Variants in ZNF490 observed in about 807,000 individuals in gnomAD.
ZNF490 encodes the protein zinc finger protein 490.
ZNF490 carries 11 observed loss-of-function variants against 17.7 expected under a neutral mutation model. The ratio of observed to expected loss-of-function variants is 0.62; its 90% confidence interval spans 0.39 to 1.03. The LOEUF is 1.03. Ranked by LOEUF, ZNF490 falls within the 50% of genes least tolerant of loss-of-function variation. The pLI is 0.00. For missense variants in ZNF490, 542 were observed against 643.4 expected, an observed-to-expected ratio of 0.84 and a Z score of 1.71; for synonymous variants, 222 against 216.1, an observed-to-expected ratio of 1.03 and a Z score of -0.24.
rs895064756 is a variant in ZNF490, at chr19:12,576,262, C to G, written c.*4223G>C. 6.6e-6 allele frequency among the ~76,000 whole-genome samples: 1 copy of G among 152,174 alleles called. No individual in the cohort carries two copies. Among genetic ancestry groups the G allele is most frequent in the East Asian group, 1.9e-4 (1 of 5,204 alleles). On this transcript the variant is annotated 3_prime_UTR_variant, in exon 5 of 5. Coordinates refer to ENST00000311437, the MANE Select transcript of ZNF490 (RefSeq NM_020714.3). ...GTGGCTCAAGCCTCTAATCCCAGCA[C>G]TTTGAGAGGCCGAGGCAGGCAGATC...
chr19:12,591,340 A>C (rs1181990767), intron 2 of ZNF490, among the ~76,000 whole-genome samples: 3 of 151,636 alleles, frequency 2.0e-5, no homozygotes, highest in African/African-American at 7.3e-5. Context: ...CAGTGAGCCG[A>C]GATTACGCCA....
chr19:12,593,300 T>C (rs1343623432), intron 2 of ZNF490, among the ~76,000 whole-genome samples: 3 of 151,774 alleles, frequency 2.0e-5, no homozygotes, highest in South Asian at 4.2e-4. Context: ...CAGGCTGAAA[T>C]GCAGAGGCGC....
In ZNF490 at chr19:12,581,348, T is replaced by C; in HGVS notation, c.727A>G (p.Ile243Val). 6.2e-7 allele frequency: 1 copy of C among 1,614,182 alleles called. No homozygotes were observed. The highest frequency in any genetic ancestry group is 8.5e-7 in the Non-Finnish European group (1 of 1,180,016). The change falls in exon 5 of 5, where the codon ATT becomes GTT. Residue 243 changes from isoleucine (I) to valine (V), a missense_variant. Physicochemically the swap from Ile to Val is conservative, Grantham distance 29. Coordinates refer to ENST00000311437, the MANE Select transcript of ZNF490 (RefSeq NM_020714.3). ...FLFSFRNHIR[I>V]HTGETPYECK... ...TCATAGGGTGTCTCTCCAGTATGAA[T>C]TCTTATATGGTTTCGAAAGGAAAAG... is the stretch of plus-strand genomic sequence containing the variant.
chr19:12,581,233 T>C lies in ZNF490; in HGVS notation c.842A>G (p.Lys281Arg). 6.2e-7 allele frequency: 1 copy of C among 1,614,120 alleles called. No homozygotes were observed. The highest frequency in any genetic ancestry group is 8.5e-7 in the Non-Finnish European group (1 of 1,179,992). Reference protein sequence around the residue: ...NHTGEKPYKCKQCGKAFIYYQ... With the variant: ...NHTGEKPYKCRQCGKAFIYYQ... ...ATATATAAAGGCTTTTCCACACTGT[T>C]TACATTTGTAGGGTTTCTCTCCAGT... Residue 281 changes from lysine (K) to arginine (R), a missense_variant, in exon 5 of 5, where the codon AAA becomes AGA. By Grantham distance (26) the Lys-to-Arg change is conservative. Coordinates refer to ENST00000311437, the MANE Select transcript of ZNF490 (RefSeq NM_020714.3).
At chr19:12,583,678 G>T in intron 2 of ZNF490, 122 bp from the exon 3 acceptor site, 1 of 971,750 alleles carries the variant, frequency 1.0e-6, no homozygotes, top group Non-Finnish European at 1.4e-6. Context: ...GTATAACTTG[G>T]TTGTCAGAAC....
chr19:12,582,428 C>T (rs1047516831), intron 4 of ZNF490, among the ~76,000 whole-genome samples: 49 of 151,916 alleles, frequency 3.2e-4, no homozygotes, highest in African/African-American at 1.2e-3. Context: ...CGGAGTCTCG[C>T]TCTGTCACCA....
chr19:12,591,390 GC>G (rs982843237), intron 2 of ZNF490, among the ~76,000 whole-genome samples: 1 of 147,840 alleles, frequency 6.8e-6, no homozygotes, highest in African/African-American at 2.5e-5. Flanking sequence ...CATCCCCGCC[GC>G]CCCCCCAAAA....
chr19:12,584,275 A>G lies in ZNF490; in HGVS notation c.163-719T>C, dbSNP rs1214995632. 7.3e-5 allele frequency among the ~76,000 whole-genome samples: 6 copies of G among 81,890 alleles called. 2 individuals are homozygous for G. The highest frequency in any genetic ancestry group is 1.6e-4 in the Non-Finnish European group (5 of 31,076). 53.7% of individuals were successfully genotyped at this position (81,890 alleles called of 152,430 possible). On this transcript the variant is annotated intron_variant, in intron 2 of 4. Coordinates refer to ENST00000311437, the MANE Select transcript of ZNF490 (RefSeq NM_020714.3). ...AGGTTCCAGTGATTATCCTGCCCCA[A>G]CCTCCCAAGTAGCTGGGACTACAGG...
In ZNF490 at chr19:12,581,145, T is replaced by C. The variant is rs149924938; in HGVS notation, c.930A>G (p.Gln310=). 872 of 1,614,172 alleles carry C rather than the reference T, an allele frequency of 5.4e-4. 6 individuals are homozygous for C. In the African/African-American group the frequency reaches 0.01, roughly 19 times the overall value. The change falls in exon 5 of 5, where the codon CAA becomes CAG. Residue 310 remains glutamine, a synonymous_variant. Coordinates refer to ENST00000311437, the MANE Select transcript of ZNF490 (RefSeq NM_020714.3). The stretch of plus-strand genomic sequence containing the variant: ...TGGGACAACTGAAGGCTTTCCCACA[T>C]TGCTTACATTCATAAGGTTTCTCTC... ...HTGEKPYECK[Q]CGKAFSCPTY...
At chr19:12,596,264 C>CAAAA (rs74180082) in intron 2 of ZNF490, among the ~76,000 whole-genome samples, 2 of 93,212 alleles carry the variant, frequency 2.1e-5, no homozygotes, top group African/African-American at 4.2e-5. Flanking sequence ...GACTCCGTCT[C>CAAAA]AAAAAAAAAA....
At position 12,577,448 on chromosome 19, in the gene ZNF490, G is replaced by T. The variant is rs995290225; in HGVS notation, c.*3037C>A. ...ACAAAAGCACAACATGGCAGCTCAA[G>T]AATGTGAAAGGACCTGAAATGGGTT... On this transcript the variant is annotated 3_prime_UTR_variant, in exon 5 of 5. Transcript: ENST00000311437. 18 of 985,194 alleles carry T rather than the reference G, an allele frequency of 1.8e-5. No individual in the cohort carries two copies. The highest frequency in any genetic ancestry group is 2.2e-5 in the Non-Finnish European group (18 of 829,922). The allele number at this position is 985,194 out of a possible 1,614,324, so 61.0% of individuals were successfully genotyped here. A position where few individuals can be genotyped will look rare whatever the true frequency, so the allele number is the denominator to read the frequency against.
intron 2 of ZNF490, among the ~76,000 whole-genome samples, chr19:12,602,741 C>A (rs2023022906): frequency 6.6e-6 from 1 of 151,618 alleles, no homozygotes; most frequent in African/African-American, 2.4e-5. Flanking sequence ...TCTCTCACCT[C>A]AGCCTCCCGA....
Position 12,578,991 on chromosome 19 carries a change from C to T in ZNF490, c.*1494G>A, listed in dbSNP as rs1434188361. 16 of 983,594 alleles carry T rather than the reference C, an allele frequency of 1.6e-5. No individual in the cohort carries two copies. The highest frequency in any genetic ancestry group is 1.8e-5 in the Non-Finnish European group (15 of 828,356). 60.9% of individuals were successfully genotyped at this position (983,594 alleles called of 1,614,324 possible). ...ACTGGAGGCCGGGCGCGGTGGCTCA[C>T]GCCTATAATCCCAGCACTTTGGGAG... On this transcript the variant is annotated 3_prime_UTR_variant, in exon 5 of 5. Coordinates refer to ENST00000311437, the MANE Select transcript of ZNF490 (RefSeq NM_020714.3).
In ZNF490 at chr19:12,582,934, C is replaced by G. The variant is rs202185103; in HGVS notation, c.290-24G>C. The G allele has an allele frequency of 3.8e-4, 605 of 1,580,818 alleles. 8 individuals carry two copies. In the South Asian group the frequency reaches 5.7e-3, roughly 15 times the overall value. ...CCCTAAAATACAAGCCCAGAGAACT[C>G]ACAATAAATTATTAGAAATTATAGA... On this transcript the variant is annotated intron_variant, in intron 3 of 4. Transcript: ENST00000311437.
chr19:12,597,290 G>A (rs2022946417), intron 2 of ZNF490: 1 of 429,424 alleles, frequency 2.3e-6, no homozygotes, highest in African/African-American at 2.0e-5. Flanking sequence ...GAATAAGGAT[G>A]TTCACACGCG....
chr19:12,580,428 C>T lies in ZNF490; in HGVS notation c.*57G>A. The T allele has an allele frequency of 6.6e-7, 1 of 1,520,878 alleles. No individual in the cohort carries two copies. Among genetic ancestry groups the T allele is most frequent in the Non-Finnish European group, 8.8e-7 (1 of 1,136,812 alleles). The allele number at this position is 1,520,878 out of a possible 1,614,324, so 94.2% of individuals were successfully genotyped here. A position where few individuals can be genotyped will look rare whatever the true frequency, so the allele number is the denominator to read the frequency against. On this transcript the variant is annotated 3_prime_UTR_variant, in exon 5 of 5. Coordinates refer to ENST00000311437, the MANE Select transcript of ZNF490 (RefSeq NM_020714.3). Reference sequence around the variant, plus strand: ...CTTGAATTTCTCTCCAGCGTAAGTACTCTCATACATCCAAAAGGAACTAAT... The same window carrying T: ...CTTGAATTTCTCTCCAGCGTAAGTATTCTCATACATCCAAAAGGAACTAAT...
At position 12,610,676 on chromosome 19, in the gene ZNF490, C is replaced by T; in HGVS notation, c.5G>A (p.Arg2His). ...CTGGAAACTGAGACTGGAATTCCTG[C>T]GCATCCCTGTCCCCGCATCCAGAAA... M[R>H]RNSSLSFQME... Residue 2 changes from arginine (R) to histidine (H), a missense_variant, in exon 1 of 5, where the codon CGC becomes CAC. Arg to His is a conservative substitution (Grantham distance 29). Transcript: ENST00000311437. The T allele has an allele frequency of 6.2e-7, 1 of 1,613,560 alleles. No homozygotes were observed. The highest frequency in any genetic ancestry group is 8.5e-7 in the Non-Finnish European group (1 of 1,179,916).
chr19:12,580,850 C>T lies in ZNF490; in HGVS notation c.1225G>A (p.Glu409Lys), dbSNP rs766167854. The T allele has an allele frequency of 5.0e-6, 8 of 1,613,958 alleles. No homozygotes were observed. Among genetic ancestry groups the T allele is most frequent in the East Asian group, 2.2e-5 (1 of 44,894 alleles). Residue 409 changes from glutamate (E) to lysine (K), a missense_variant, in exon 5 of 5, where the codon GAA becomes AAA. Glu to Lys is a moderately conservative substitution (Grantham distance 56, BLOSUM62 1). Coordinates refer to ENST00000311437, the MANE Select transcript of ZNF490 (RefSeq NM_020714.3). ...GTTTTCTCGCCAGTGTGAACTCTTT[C>T]GTGCAACTGAAGGTAACTTGAAGAA... ...FNSSSYLQLH[E>K]RVHTGEKTYE...
intron 2 of ZNF490, among the ~76,000 whole-genome samples, chr19:12,606,791 A>G (rs2023073274): frequency 6.6e-6 from 1 of 152,108 alleles, no homozygotes; most frequent in Non-Finnish European, 1.5e-5. Flanking sequence ...TCATTTCCAT[A>G]TGGTAGATTT....
Sources: allele counts gnomAD v4.1 joint callset (sites outside exome capture counted in the v4.1 genomes callset), GRCh38; gene constraint gnomAD v4.1.1; transcripts MANE v1.5; gene names NCBI Gene and HGNC (gene_info 2026-07-23, HGNC 2026-07-21).